Variants in KIF26B observed in about 807,000 individuals in gnomAD.
KIF26B encodes kinesin-like protein KIF26B.
A neutral mutation model predicts 151.2 loss-of-function variants in KIF26B; 63 were observed. The ratio of observed to expected loss-of-function variants is 0.42; its 90% CI spans 0.34 to 0.51. The LOEUF (loss-of-function observed/expected upper bound fraction) is 0.51. KIF26B is among the 20% of genes least tolerant of loss of function. The probability of loss-of-function intolerance (pLI) is 0.07; values close to 1 mark genes in which losing one functional copy is unlikely to be tolerated. For missense variants in KIF26B, 2,813 were observed against 2,913.6 expected (o/e 0.97, Z 0.79); for synonymous variants, 1,357 against 1,262.1 (o/e 1.08, Z -1.59).
At chr1:245,248,814 A>G (rs975959467) in intron 2 of KIF26B, among the ~76,000 whole-genome samples, 3 of 152,206 alleles carry the variant, frequency 2.0e-5, no homozygotes, top group African/African-American at 4.8e-5. Flanking sequence ...CCAGAAAATG[A>G]TGGATCGAGG....
intron 4 of KIF26B, 101 bp downstream of exon 4, chr1:245,419,846 C>A (rs553237721): frequency 1.1e-5 from 12 of 1,113,846 alleles, no homozygotes; most frequent in Non-Finnish European, 1.6e-5. Context: ...AGTTTGGGGC[C>A]GTTCTGTGAT....
At chr1:245,422,657 G>T (rs1447434669) in intron 4 of KIF26B, among the ~76,000 whole-genome samples, 1 of 152,210 alleles carries the variant, frequency 6.6e-6, no homozygotes, top group Non-Finnish European at 1.5e-5. Context: ...GGGGTTTGGG[G>T]CAGAGTCAGC....
At chr1:245,215,445 C>G (rs1051921393) in intron 2 of KIF26B, among the ~76,000 whole-genome samples, 4 of 152,160 alleles carry the variant, frequency 2.6e-5, no homozygotes, top group Admixed American at 1.3e-4. Context: ...GGCCACAGCT[C>G]TGAGACATGA....
intron 4 of KIF26B, among the ~76,000 whole-genome samples, chr1:245,535,950 GATA>G (rs1316168741): frequency 1.2e-4 from 19 of 152,174 alleles, no homozygotes; most frequent in Admixed American, 3.9e-4. Context: ...ACTGAGGCTT[GATA>G]ATAATATTTA....
intron 4 of KIF26B, among the ~76,000 whole-genome samples, chr1:245,440,025 T>C (rs955722626): frequency 6.6e-6 from 1 of 151,988 alleles, no homozygotes; most frequent in Non-Finnish European, 1.5e-5. Context: ...ATCGAGACCA[T>C]CCTGGCTAAC....
rs1466360056 is a variant in KIF26B at position 245,367,182 on chromosome 1, G to C, written c.814G>C (p.Gly272Arg). 2 of 1,608,016 alleles carry C rather than the reference G, an allele frequency of 1.2e-6. No individual in the cohort carries two copies. The highest frequency in any genetic ancestry group is 2.7e-5 in the African/African-American group (2 of 74,808). ...NKHGSKPSSL[G>R]VSNGAEKKSG... is the part of the protein sequence containing the mutation. The stretch of plus-strand genomic sequence containing the variant: ...GCACGGCAGCAAACCCAGCAGCCTT[G>C]GGGTCAGCAATGGGGCGGAAAAGAA... The change falls in exon 3 of 15, where the codon GGG becomes CGG. Residue 272 changes from glycine (G) to arginine (R), a missense_variant. By Grantham distance (125) the Gly-to-Arg change is moderately radical. Around this residue, in one of 3 missense-constraint regions of KIF26B, gnomAD observed 676 missense variants for 688.1 expected, o/e 0.98. Transcript: ENST00000407071. This position sits in a 1 kb window ranked among gnomAD's most constrained non-coding sequence, Gnocchi z 4.2.
intron 3 of KIF26B, among the ~76,000 whole-genome samples, chr1:245,391,532 C>T (rs1354679748): frequency 6.6e-6 from 1 of 152,012 alleles, no homozygotes; most frequent in Non-Finnish European, 1.5e-5. Context: ...TGGCTCACAC[C>T]TGTAATCCCA....
chr1:245,354,129 C>T (rs1672630011), intron 2 of KIF26B, among the ~76,000 whole-genome samples: 1 of 152,148 alleles, frequency 6.6e-6, no homozygotes, highest in African/African-American at 2.4e-5. Context: ...CACATCCTGG[C>T]ACAATCTGGC....
intron 5 of KIF26B, among the ~76,000 whole-genome samples, chr1:245,561,917 C>T (rs763541732): frequency 4.6e-5 from 7 of 152,202 alleles, no homozygotes; most frequent in Non-Finnish European, 7.3e-5. Flanking sequence ...TCTTCTCAGT[C>T]TCCATCCCAA....
intron 4 of KIF26B, among the ~76,000 whole-genome samples, chr1:245,529,377 C>T (rs1018456231): frequency 2.0e-5 from 3 of 152,212 alleles, no homozygotes; most frequent in Non-Finnish European, 4.4e-5. Context: ...TTAGTAAATA[C>T]ACTTATCAGA....
At chr1:245,533,621 A>T (rs1343214936) in intron 4 of KIF26B, among the ~76,000 whole-genome samples, 3 of 152,106 alleles carry the variant, frequency 2.0e-5, no homozygotes, top group Non-Finnish European at 2.9e-5. Context: ...GAAGCTAATA[A>T]TTTTTAAAAG....
chr1:245,487,248 A>T (rs1017715032), intron 4 of KIF26B, among the ~76,000 whole-genome samples: 2 of 152,332 alleles, frequency 1.3e-5, no homozygotes, highest in East Asian at 3.9e-4. Flanking sequence ...TAACAGATTT[A>T]AACAGATTGG....
intron 9 of KIF26B, among the ~76,000 whole-genome samples, chr1:245,633,917 C>A (rs983520111): frequency 2.6e-5 from 4 of 152,010 alleles, no homozygotes; most frequent in Non-Finnish European, 5.9e-5. Flanking sequence ...GTGTTCCTGC[C>A]ACCTCAGCCT....
In KIF26B at chr1:245,685,536, C is replaced by T; in HGVS notation, c.2553C>T (p.Asp851=). Residue 851 remains aspartate (D), a synonymous_variant, in exon 12 of 15, where the codon GAC becomes GAT. Coordinates refer to ENST00000407071, the MANE Select transcript of KIF26B (RefSeq NM_018012.4). The stretch of plus-strand genomic sequence containing the variant: ...TCCCCATCGCTCACCTGTCCAGCGA[C>T]CCCGACTACTCCTCCAGCAGCGAGC... ...PDFPIAHLSS[D]PDYSSSSEQS... is the part of the protein sequence containing the mutation. 1 of 1,613,942 alleles carries T rather than the reference C, an allele frequency of 6.2e-7. No individual in the cohort carries two copies. Among genetic ancestry groups the T allele is most frequent in the East Asian group, 2.2e-5 (1 of 44,880 alleles).
chr1:245,184,830 G>C (rs1330012612), intron 2 of KIF26B, among the ~76,000 whole-genome samples: 2 of 152,196 alleles, frequency 1.3e-5, no homozygotes, highest in South Asian at 2.1e-4. Flanking sequence ...GGCGAGTGTG[G>C]CTGCCAGGTT....
intron 5 of KIF26B, among the ~76,000 whole-genome samples, chr1:245,596,184 T>C (rs900524324): frequency 5.9e-5 from 9 of 152,210 alleles, no homozygotes; most frequent in African/African-American, 2.2e-4. Context: ...TCTTAGTTAT[T>C]TCTTGCCTTC....
rs577217671 is a variant in KIF26B, at chr1:245,156,557, C to T, written c.339C>T (p.Ser113=). The stretch of plus-strand genomic sequence containing the variant: ...GCTTCGGCACAGGCTCCCCGGGCTC[C>T]GGCAGCGGCGGCGGCTCCTCCCCCG... ...SPGFGTGSPG[S]GSGGGSSPGS... is the part of the protein sequence containing the mutation. The change falls in exon 2 of 15, where the codon TCC becomes TCT. Residue 113 remains serine (S), a synonymous_variant. Transcript: ENST00000407071. 1.5e-4 allele frequency: 228 copies of T among 1,532,472 alleles called. 2 individuals are homozygous for T. The South Asian group carries it at 1.6e-3, about 11-fold the overall frequency. 94.9% of individuals were successfully genotyped at this position (1,532,472 alleles called of 1,614,324 possible).
intron 3 of KIF26B, among the ~76,000 whole-genome samples, chr1:245,403,768 C>T (rs1419287833): frequency 6.6e-6 from 1 of 152,154 alleles, no homozygotes; most frequent in Non-Finnish European, 1.5e-5. Context: ...TGTGGAAATG[C>T]AAATAGCATA....
intron 9 of KIF26B, among the ~76,000 whole-genome samples, chr1:245,616,000 C>G (rs1484550763): frequency 5.9e-5 from 9 of 152,200 alleles, no homozygotes. Context: ...GCAGGGAAGC[C>G]ATTAGAAGAG....
Sources: gnomAD v4.1 joint callset for allele counts (sites outside exome capture counted in the v4.1 genomes callset) on GRCh38, gnomAD v4.1.1 for gene constraint, gnomAD v4.1.1 regional missense constraint, Gnocchi (gnomAD v3.1) non-coding constraint, MANE v1.5 for transcripts, NCBI Gene and HGNC (gene_info 2026-07-23, HGNC 2026-07-21) for gene names.